Variants in RORA observed in about 807,000 individuals in gnomAD.
RORA encodes the protein nuclear receptor ROR-alpha.
In RORA, 7 loss-of-function variants were observed where a neutral mutation model predicts 69.5. That is an observed-to-expected ratio of 0.10 (90% CI 0.06 to 0.19). The LOEUF is 0.19. Among genes scored for constraint, RORA ranks in the 10% least tolerant of loss-of-function variants. The pLI is 1.00. For synonymous variants in RORA, 261 were observed against 240.8 expected, an observed-to-expected ratio of 1.08 and a Z score of -0.78; for missense variants, 457 against 663.0, an observed-to-expected ratio of 0.69 and a Z score of 3.41.
intron 1 of RORA, among the ~76,000 whole-genome samples, chr15:60,875,081 G>A (rs2073598734): frequency 6.6e-6 from 1 of 152,116 alleles, no homozygotes; most frequent in Non-Finnish European, 1.5e-5. Context: ...AGGACTTGCA[G>A]AGGGTCCCAT....
At chr15:60,704,541 T>G (rs1182018529) in intron 1 of RORA, among the ~76,000 whole-genome samples, 1 of 152,228 alleles carries the variant, frequency 6.6e-6, no homozygotes, top group East Asian at 1.9e-4. Context: ...TTCACAGTAT[T>G]TGGCTAGGTT....
chr15:61,183,236 C>T (rs1396220107), intron 1 of RORA, among the ~76,000 whole-genome samples: 1 of 152,178 alleles, frequency 6.6e-6, no homozygotes, highest in Non-Finnish European at 1.5e-5. Context: ...AAAGTTATTT[C>T]AATTTTTTAA....
intron 1 of RORA, among the ~76,000 whole-genome samples, chr15:61,191,521 C>T (rs1445049343): frequency 6.6e-6 from 1 of 152,230 alleles, no homozygotes; most frequent in Non-Finnish European, 1.5e-5. Flanking sequence ...GGCTATTGTA[C>T]TTCTTAGGCT....
rs534985799 is a variant in RORA at position 60,736,373 on chromosome 15, C to G, written c.167-57687G>C. Among the ~76,000 whole-genome samples the G allele has an allele frequency of 7.2e-5, 11 of 152,270 alleles. No individual in the cohort carries two copies. The South Asian group carries it at 1.5e-3, about 20-fold the overall frequency. On this transcript the variant is annotated intron_variant, in intron 1 of 10. Transcript: ENST00000335670. ...AACCCATTCTGTCTCCCTCTTCCAA[C>G]TAGCAATAATCAGGAAGGCCCTTCA...
At chr15:60,666,183 T>C (rs75718173) in intron 2 of RORA, among the ~76,000 whole-genome samples, 1 of 151,102 alleles carries the variant, frequency 6.6e-6, no homozygotes, top group African/African-American at 2.4e-5. Flanking sequence ...TTTTTTTTTT[T>C]TTGAAACAGG....
intron 2 of RORA, among the ~76,000 whole-genome samples, chr15:60,652,705 G>C (rs974561592): frequency 2.0e-5 from 3 of 152,076 alleles, no homozygotes; most frequent in Non-Finnish European, 4.4e-5. Context: ...CCCTCAATTA[G>C]TTGGTAGAGA....
chr15:60,954,008 C>T (rs932828495), intron 1 of RORA, among the ~76,000 whole-genome samples: 19 of 151,870 alleles, frequency 1.3e-4, no homozygotes, highest in African/African-American at 4.4e-4. Flanking sequence ...TTTATTGCGG[C>T]ATTATTCACA....
intron 2 of RORA, among the ~76,000 whole-genome samples, chr15:60,608,696 T>C (rs2069010230): frequency 6.6e-6 from 1 of 152,190 alleles, no homozygotes; most frequent in African/African-American, 2.4e-5. Flanking sequence ...CTTCAGAAGA[T>C]TTTTTGTCAC....
intron 2 of RORA, among the ~76,000 whole-genome samples, chr15:60,622,698 CAATTTTAAAACAT>C (rs991908456): frequency 2.0e-5 from 3 of 152,114 alleles, no homozygotes; most frequent in Admixed American, 6.5e-5. Flanking sequence ...AAAGGATCAG[CAATTTTAAAACAT>C]AATTTTAAAA....
At chr15:60,887,885 A>G (rs1448906646) in intron 1 of RORA, among the ~76,000 whole-genome samples, 1 of 152,216 alleles carries the variant, frequency 6.6e-6, no homozygotes, top group African/African-American at 2.4e-5. Context: ...CTCACATCTT[A>G]CTTCACATAG....
At chr15:60,767,083 G>A (rs2072003019) in intron 1 of RORA, among the ~76,000 whole-genome samples, 1 of 152,162 alleles carries the variant, frequency 6.6e-6, no homozygotes, top group Non-Finnish European at 1.5e-5. Context: ...AGAAAAGATG[G>A]GAAATTTCAC....
intron 9 of RORA, among the ~76,000 whole-genome samples, chr15:60,500,608 T>A (rs2065301055): frequency 6.6e-6 from 1 of 152,138 alleles, no homozygotes; most frequent in Non-Finnish European, 1.5e-5. Context: ...AAAAATAGGA[T>A]GTCTTAAAAA....
At chr15:61,089,181 T>G (rs143718148) in intron 1 of RORA, among the ~76,000 whole-genome samples, 19 of 152,342 alleles carry the variant, frequency 1.2e-4, no homozygotes, top group East Asian at 5.8e-4. Context: ...ATGAATTTTC[T>G]GTTAACTGGG....
intron 2 of RORA, among the ~76,000 whole-genome samples, chr15:60,628,058 A>T (rs1461546421): frequency 6.6e-6 from 1 of 152,190 alleles, no homozygotes; most frequent in Non-Finnish European, 1.5e-5. Flanking sequence ...ATACTTTATT[A>T]TCTGGTTAAC....
intron 1 of RORA, among the ~76,000 whole-genome samples, chr15:61,006,793 G>GT (rs1340592048): frequency 1.3e-5 from 2 of 152,032 alleles, no homozygotes; most frequent in African/African-American, 4.8e-5. Context: ...CCCTACTCTC[G>GT]TAAGTTCTAA....
Position 61,131,999 on chromosome 15 carries a change from T to C in RORA, c.166+97054A>G, listed in dbSNP as rs2079193992. 6.6e-6 allele frequency among the ~76,000 whole-genome samples: 1 copy of C among 152,204 alleles called. No individual in the cohort carries two copies. The highest frequency in any genetic ancestry group is 6.5e-5 in the Admixed American group (1 of 15,276). On this transcript the variant is annotated intron_variant, in intron 1 of 10. Transcript: ENST00000335670. The surrounding 1 kb of genome is among the most constrained non-coding windows in gnomAD (Gnocchi z 4.2). The stretch of plus-strand genomic sequence containing the variant: ...GGTAGAATTCATGCCCCTTGGGGCA[T>C]TCTCCATTGCCTCCCTCACTTTCTC...
chr15:60,706,366 T>C (rs2071063393), intron 1 of RORA: 1 of 152,304 alleles, frequency 6.6e-6, no homozygotes, highest in Admixed American at 6.5e-5. Flanking sequence ...TTTCTCATTG[T>C]CCTTTTACGT....
chr15:61,095,555 T>C (rs895165482), intron 1 of RORA, among the ~76,000 whole-genome samples: 2 of 152,204 alleles, frequency 1.3e-5, no homozygotes, highest in Non-Finnish European at 2.9e-5. Flanking sequence ...GGCTGGGCCC[T>C]GGTGACAAAT....
At chr15:60,965,264 T>C (rs1313381488) in intron 1 of RORA, among the ~76,000 whole-genome samples, 3 of 152,132 alleles carry the variant, frequency 2.0e-5, no homozygotes, top group Non-Finnish European at 4.4e-5. Context: ...CCACCCTTCC[T>C]TCCCAGCATC....
Sources: gnomAD v4.1 joint callset for allele counts (sites outside exome capture counted in the v4.1 genomes callset) on GRCh38, gnomAD v4.1.1 for gene constraint, Gnocchi (gnomAD v3.1) non-coding constraint, MANE v1.5 for transcripts, NCBI Gene and HGNC (gene_info 2026-07-23, HGNC 2026-07-21) for gene names.